Variants in EPHB3 observed in about 807,000 individuals in gnomAD.
The protein encoded by EPHB3 is EPH receptor B3.
A neutral mutation model predicts 100.2 loss-of-function variants in EPHB3; 33 were observed. The observed-to-expected ratio is 0.33, with a 90% CI of 0.25 to 0.44. The LOEUF is 0.44. EPHB3 is among the 20% of genes least tolerant of loss of function. EPHB3 has a pLI of 1.00. For synonymous variants in EPHB3, 526 were observed against 554.7 expected, an observed-to-expected ratio of 0.95 and a Z score of 0.73; for missense variants, 1,045 against 1,378.3, an observed-to-expected ratio of 0.76 and a Z score of 3.83.
chr3:184,573,462 C>T lies in EPHB3; in HGVS notation c.856+286C>T, dbSNP rs112325602. Among the ~76,000 whole-genome samples the T allele has an allele frequency of 2.2e-4, 34 of 152,318 alleles. No individual in the cohort carries two copies. Among genetic ancestry groups the T allele is most frequent in the African/African-American group, 5.5e-4 (23 of 41,564 alleles). ...CCTTGGCAAGCAGGCACCTGGAGAA[C>T]GCAGTCAGAAGCTTAGGAGGCTGGC... On this transcript the variant is annotated intron_variant, in intron 3 of 15. Transcript: ENST00000330394. The surrounding 1 kb of genome is among the most constrained non-coding windows in gnomAD (Gnocchi z 4.5).
intron 3 of EPHB3, chr3:184,575,139 G>A (rs1046577639): frequency 1.0e-6 from 1 of 985,464 alleles, no homozygotes; most frequent in South Asian, 4.7e-5. Context: ...GGGGCCCAAG[G>A]GTAGATGGCA....
chr3:184,563,712 G>T lies in EPHB3; in HGVS notation c.118+1359G>T, dbSNP rs148285341. Among the ~76,000 whole-genome samples the T allele has an allele frequency of 6.6e-6, 1 of 152,206 alleles. No homozygotes were observed. The highest frequency in any genetic ancestry group is 2.4e-5 in the African/African-American group (1 of 41,456). The stretch of plus-strand genomic sequence containing the variant: ...TCACCCACATGTGTGTGATAGGATC[G>T]CAGGCGTGAGAACCCAGTGTGGGGC... On this transcript the variant is annotated intron_variant, in intron 1 of 15. Coordinates refer to ENST00000330394, the MANE Select transcript of EPHB3 (RefSeq NM_004443.4). The surrounding 1 kb of genome is among the most constrained non-coding windows in gnomAD (Gnocchi z 4.1).
rs1192645074 is a variant in EPHB3 at position 184,562,187 on chromosome 3, GCGGCCCGGCC to G, written c.-44_-35del. The G allele has an allele frequency of 2.7e-6, 1 of 372,018 alleles. No homozygotes were observed. The highest frequency in any genetic ancestry group is 3.8e-6 in the Non-Finnish European group (1 of 260,588). 23.0% of individuals were successfully genotyped at this position (372,018 alleles called of 1,614,324 possible). ...CTCGGGTGCCTGCAGCCCCGCCGGC[GCGGCCCGGCC>G]CGGCGCGGCCCGGCTCGGCTCCTAG... is the stretch of plus-strand genomic sequence containing the variant. On this transcript the variant is annotated 5_prime_UTR_variant, in exon 1 of 16. Coordinates refer to ENST00000330394, the MANE Select transcript of EPHB3 (RefSeq NM_004443.4). This position sits in a 1 kb window ranked among gnomAD's most constrained non-coding sequence, Gnocchi z 4.8.
rs772032950 is a variant in EPHB3, at chr3:184,571,807, C to G, written c.183+425C>G. Among the ~76,000 whole-genome samples the G allele has an allele frequency of 6.6e-6, 1 of 152,138 alleles. No individual in the cohort carries two copies. Among genetic ancestry groups the G allele is most frequent in the Non-Finnish European group, 1.5e-5 (1 of 68,016 alleles). ...GGCCACTTCTTGACTGTTAAATTCC[C>G]GCAGTCCGGACCTCTCTCACATATT... On this transcript the variant is annotated intron_variant, in intron 2 of 15. Coordinates refer to ENST00000330394, the MANE Select transcript of EPHB3 (RefSeq NM_004443.4). This position sits in a 1 kb window ranked among gnomAD's most constrained non-coding sequence, Gnocchi z 5.0.
intron 1 of EPHB3, among the ~76,000 whole-genome samples, chr3:184,566,160 A>C (rs144827028): frequency 6.6e-6 from 1 of 152,124 alleles, no homozygotes; most frequent in African/African-American, 2.4e-5. Flanking sequence ...GGCCAGACCC[A>C]GTGTGGCCAG....
Position 184,569,207 on chromosome 3 carries a change from C to CGGCTGGCGGACT in EPHB3, c.119-2108_119-2107insTGGCGGACTGGC, listed in dbSNP as rs1714477510. Among the ~76,000 whole-genome samples the CGGCTGGCGGACT allele has an allele frequency of 6.6e-6, 1 of 151,444 alleles. No individual in the cohort carries two copies. Among genetic ancestry groups the CGGCTGGCGGACT allele is most frequent in the Non-Finnish European group, 1.5e-5 (1 of 67,738 alleles). Reference sequence around the variant, plus strand: ...CCGGCGGGCGGACCGGCGGGCGGACCGGCGGGAGGACTGGCTGCGGGGGCA... The same window carrying CGGCTGGCGGACT: ...CCGGCGGGCGGACCGGCGGGCGGACCGGCTGGCGGACTGGCGGGAGGACTGGCTGCGGGGGCA... On this transcript the variant is annotated intron_variant, in intron 1 of 15. Coordinates refer to ENST00000330394, the MANE Select transcript of EPHB3 (RefSeq NM_004443.4). The surrounding 1 kb of genome is among the most constrained non-coding windows in gnomAD (Gnocchi z 5.4).
In EPHB3 at chr3:184,563,656, A is replaced by G. The variant is rs1308361307; in HGVS notation, c.118+1303A>G. Among the ~76,000 whole-genome samples, 1 of 152,106 alleles carries G rather than the reference A, an allele frequency of 6.6e-6. No homozygotes were observed. The highest frequency in any genetic ancestry group is 1.5e-5 in the Non-Finnish European group (1 of 68,016). On this transcript the variant is annotated intron_variant, in intron 1 of 15. Coordinates refer to ENST00000330394, the MANE Select transcript of EPHB3 (RefSeq NM_004443.4). The surrounding 1 kb of genome is among the most constrained non-coding windows in gnomAD (Gnocchi z 4.1). ...TGGACACATGCAAATTCAGACTGACACACCGAGGTCTCGCCCACACTCGCA... is the reference window on the plus strand; with the variant it reads ...TGGACACATGCAAATTCAGACTGACGCACCGAGGTCTCGCCCACACTCGCA...
Position 184,577,649 on chromosome 3 carries a change from G to T in EPHB3, c.1480-9G>T, listed in dbSNP as rs1168032656. On this transcript the variant is annotated splice_polypyrimidine_tract_variant and intron_variant, in intron 6 of 15. Transcript: ENST00000330394. The surrounding 1 kb of genome is among the most constrained non-coding windows in gnomAD (Gnocchi z 4.9). ...ACCTGAGGGTGCCCCCTCTCTCCTG[G>T]CATTGCAGAGCGAGGGCATCGCCTC... 1.3e-6 allele frequency: 2 copies of T among 1,586,736 alleles called. No homozygotes were observed. The highest frequency in any genetic ancestry group is 2.2e-5 in the East Asian group (1 of 44,456).
rs1172986352 is a variant in EPHB3, at chr3:184,581,414, T to C, written c.2888+6T>C. On this transcript the variant is annotated splice_donor_region_variant and intron_variant, in intron 15 of 15. Coordinates refer to ENST00000330394, the MANE Select transcript of EPHB3 (RefSeq NM_004443.4). ...GTGGCCCAGATGACGGCAGAGTAAG[T>C]GTGCCTCAGATTTGGAGGAGCAGGG... 1 of 1,583,628 alleles carries C rather than the reference T, an allele frequency of 6.3e-7. No homozygotes were observed. Among genetic ancestry groups the C allele is most frequent in the African/African-American group, 1.3e-5 (1 of 74,456 alleles).
At position 184,579,734 on chromosome 3, in the gene EPHB3, C is replaced by G. The variant is rs780703655; in HGVS notation, c.1972C>G (p.Arg658Gly). 1.2e-6 allele frequency: 2 copies of G among 1,612,976 alleles called. No homozygotes were observed. Among genetic ancestry groups the G allele is most frequent in the Non-Finnish European group, 1.7e-6 (2 of 1,179,542 alleles). The change falls in exon 11 of 16, where the codon CGA becomes GGA. Residue 658 changes from arginine (R) to glycine (G), a missense_variant. Physicochemically the swap from Arg to Gly is moderately radical, Grantham distance 125 (BLOSUM62 -2). Around this residue, in one of 2 missense-constraint regions of EPHB3, gnomAD observed 985 missense variants for 1,331.1 expected, o/e 0.74. Transcript: ENST00000330394. This position sits in a 1 kb window ranked among gnomAD's most constrained non-coding sequence, Gnocchi z 5.2. ...TGGTCGACTGAAACAGCCTGGCCGCCGAGAGGTGTTTGTGGCCATCAAGAC... is the reference window on the plus strand; with the variant it reads ...TGGTCGACTGAAACAGCCTGGCCGCGGAGAGGTGTTTGTGGCCATCAAGAC... The part of the protein sequence containing the change: ...CRGRLKQPGR[R>G]EVFVAIKTLK...
At chr3:184,566,502 G>T (rs1714388849) in intron 1 of EPHB3, among the ~76,000 whole-genome samples, 1 of 152,196 alleles carries the variant, frequency 6.6e-6, no homozygotes. Flanking sequence ...ATCTTCTCCA[G>T]TCCCATGGCA....
At chr3:184,580,903 T>A in intron 13 of EPHB3, 25 bp downstream of exon 13, 1 of 1,609,076 alleles carries the variant, frequency 6.2e-7, no homozygotes, top group Non-Finnish European at 8.5e-7. Context: ...GCCAGAGTGG[T>A]TGGGTAGGTG....
chr3:184,575,071 T>C (rs1011732854), intron 3 of EPHB3: 12 of 904,374 alleles, frequency 1.3e-5, no homozygotes, highest in Non-Finnish European at 1.6e-5. Flanking sequence ...GACTTGCAAA[T>C]GTTCCAGTGT....
Position 184,577,383 on chromosome 3 carries a change from A to G in EPHB3, c.1395A>G (p.Ser465=), listed in dbSNP as rs886668237. ...EVPTLRLHSS[S]GSSLTLSWAP... Reference sequence around the variant, plus strand: ...CCACACTACGCCTGCACAGCAGCTCAGGCAGCAGCCTCACCCTATCCTGGG... The same window carrying G: ...CCACACTACGCCTGCACAGCAGCTCGGGCAGCAGCCTCACCCTATCCTGGG... The change falls in exon 6 of 16, where the codon TCA becomes TCG. Residue 465 remains serine, a synonymous_variant. Coordinates refer to ENST00000330394, the MANE Select transcript of EPHB3 (RefSeq NM_004443.4). This position sits in a 1 kb window ranked among gnomAD's most constrained non-coding sequence, Gnocchi z 4.9. 1.2e-6 allele frequency: 2 copies of G among 1,613,126 alleles called. No individual in the cohort carries two copies. Among genetic ancestry groups the G allele is most frequent in the Admixed American group, 3.3e-5 (2 of 60,022 alleles).
intron 1 of EPHB3, among the ~76,000 whole-genome samples, chr3:184,564,308 A>G (rs944689150): frequency 6.6e-6 from 1 of 152,176 alleles, no homozygotes; most frequent in Non-Finnish European, 1.5e-5. Flanking sequence ...GGTTTCACCA[A>G]TTCCTTCACT....
Position 184,571,847 on chromosome 3 carries a change from T to G in EPHB3, c.183+465T>G, listed in dbSNP as rs776778636. ...TCTCACATATTCTAATTAATCTCCC[T>G]AGATGGCCTTCATGGCTGCTCTAAG... is the stretch of plus-strand genomic sequence containing the variant. On this transcript the variant is annotated intron_variant, in intron 2 of 15. Coordinates refer to ENST00000330394, the MANE Select transcript of EPHB3 (RefSeq NM_004443.4). The surrounding 1 kb of genome is among the most constrained non-coding windows in gnomAD (Gnocchi z 5.0). 3.3e-5 allele frequency among the ~76,000 whole-genome samples: 5 copies of G among 152,190 alleles called. No individual in the cohort carries two copies. The highest frequency in any genetic ancestry group is 7.3e-5 in the Non-Finnish European group (5 of 68,040).
rs1714360185 is a variant in EPHB3, at chr3:184,565,363, C to T, written c.118+3010C>T. 1.3e-5 allele frequency among the ~76,000 whole-genome samples: 2 copies of T among 152,084 alleles called. No individual in the cohort carries two copies. The highest frequency in any genetic ancestry group is 2.1e-4 in the South Asian group (1 of 4,822). On this transcript the variant is annotated intron_variant, in intron 1 of 15. Transcript: ENST00000330394. The surrounding 1 kb of genome is among the most constrained non-coding windows in gnomAD (Gnocchi z 4.8). The stretch of plus-strand genomic sequence containing the variant: ...CCATCAACGGGTCAGGGGGTGGGGT[C>T]CAATGGGGAACAGACTAGGAATGGG...
intron 4 of EPHB3, 87 bp downstream of exon 4, chr3:184,576,072 G>T: frequency 6.8e-7 from 1 of 1,463,220 alleles, no homozygotes; most frequent in East Asian, 2.6e-5. Flanking sequence ...ACTATGAATA[G>T]CCCCATTTTC....
chr3:184,562,201 C>A lies in EPHB3; in HGVS notation c.-35C>A, dbSNP rs1714270411. The A allele has an allele frequency of 3.8e-6, 2 of 523,658 alleles. No individual in the cohort carries two copies. The highest frequency in any genetic ancestry group is 5.1e-6 in the Non-Finnish European group (2 of 394,366). The allele number at this position is 523,658 out of a possible 1,614,324, so 32.4% of individuals were successfully genotyped here. On this transcript the variant is annotated 5_prime_UTR_variant, in exon 1 of 16. Transcript: ENST00000330394. This position sits in a 1 kb window ranked among gnomAD's most constrained non-coding sequence, Gnocchi z 4.8. ...GCCCCGCCGGCGCGGCCCGGCCCGG[C>A]GCGGCCCGGCTCGGCTCCTAGAGCT...
Sources: allele counts gnomAD v4.1 joint callset (sites outside exome capture counted in the v4.1 genomes callset), GRCh38; gene constraint gnomAD v4.1.1; regional missense constraint gnomAD v4.1.1; non-coding constraint Gnocchi (gnomAD v3.1); transcripts MANE v1.5; gene names NCBI Gene and HGNC (gene_info 2026-07-23, HGNC 2026-07-21).